ARMC2: variants seen among roughly 807,000 people sequenced by gnomAD.
The protein encoded by ARMC2 is armadillo repeat containing 2, also known as armadillo repeat-containing protein 2.
ARMC2 carries 67 observed loss-of-function variants against 90.3 expected under a neutral mutation model. The ratio of observed to expected loss-of-function variants is 0.74; its 90% CI spans 0.61 to 0.91. The LOEUF (loss-of-function observed/expected upper bound fraction) is 0.91, where lower values mean the gene tolerates loss of function less well. Ranked by LOEUF, ARMC2 falls within the 40% of genes least tolerant of loss-of-function variation. ARMC2 has a pLI of 0.00. For synonymous variants in ARMC2, 393 were observed against 393.0 expected (o/e 1.00, Z 0.00); for missense variants, 920 against 1,030.9 (o/e 0.89, Z 1.47).
chr6:108,856,952 A>G (rs79870219), intron 2 of ARMC2, among the ~76,000 whole-genome samples: 1,802 of 152,220 alleles, frequency 0.012, 33 homozygotes, highest in African/African-American at 0.042. Flanking sequence ...CCAGTACTAT[A>G]CTGTCTTTAT....
At chr6:108,960,413 G>A (rs975029372) in intron 13 of ARMC2, among the ~76,000 whole-genome samples, 2 of 152,218 alleles carry the variant, frequency 1.3e-5, no homozygotes, top group Non-Finnish European at 2.9e-5. Flanking sequence ...GACTGAGTGG[G>A]AGGCAGGGAC....
chr6:108,999,410 A>G, the ARMC2 span, among the ~76,000 whole-genome samples: 1 of 152,194 alleles, frequency 6.6e-6, no homozygotes, highest in African/African-American at 2.4e-5. Flanking sequence ...TATCTATTCT[A>G]TGAAATAGAT....
At chr6:108,887,493 A>G (rs949856136) in intron 5 of ARMC2, among the ~76,000 whole-genome samples, 10 of 152,250 alleles carry the variant, frequency 6.6e-5, no homozygotes, top group African/African-American at 2.4e-4. Context: ...CAGAACTCCA[A>G]CCTGGTTACA....
intron 17 of ARMC2, among the ~76,000 whole-genome samples, chr6:108,967,567 C>T (rs182986501): frequency 1.2e-3 from 177 of 152,264 alleles, no homozygotes; most frequent in African/African-American, 4.0e-3. Context: ...CACAGATGCC[C>T]AAGTGCCTGA....
chr6:108,935,528 G>A (rs1400604237), intron 11 of ARMC2, among the ~76,000 whole-genome samples: 1 of 151,910 alleles, frequency 6.6e-6, no homozygotes, highest in Admixed American at 6.6e-5. Context: ...TGCAACCTTC[G>A]CCTCCCAGGT....
chr6:108,900,665 C>A (rs933593467), intron 7 of ARMC2, among the ~76,000 whole-genome samples: 7 of 152,188 alleles, frequency 4.6e-5, no homozygotes, highest in South Asian at 2.1e-4. Flanking sequence ...CTCACCCCTC[C>A]TCTGCTCCCC....
At chr6:108,900,017 A>C (rs778340644) in intron 7 of ARMC2, among the ~76,000 whole-genome samples, 30 of 152,190 alleles carry the variant, frequency 2.0e-4, no homozygotes, top group Non-Finnish European at 3.8e-4. Context: ...AAATGCACCA[A>C]GAGAGCCAAT....
chr6:108,948,808 C>T (rs1348089665), intron 12 of ARMC2, among the ~76,000 whole-genome samples: 1 of 152,068 alleles, frequency 6.6e-6, no homozygotes, highest in African/African-American at 2.4e-5. Context: ...AGCACTTAGT[C>T]TTCCCAGATT....
At chr6:108,973,293 TTAA>T in intron 17 of ARMC2, 61 bp from the exon 18 acceptor site, 1 of 1,409,938 alleles carries the variant, frequency 7.1e-7, no homozygotes, top group Admixed American at 2.3e-5. Flanking sequence ...ATCATCAAAA[TTAA>T]ACTATATTCA....
chr6:108,872,060 A>G (rs1017660420), intron 4 of ARMC2, among the ~76,000 whole-genome samples: 1 of 152,232 alleles, frequency 6.6e-6, no homozygotes, highest in South Asian at 2.1e-4. Context: ...GTTTCATTTC[A>G]GATCTTCTCT....
the ARMC2 span, among the ~76,000 whole-genome samples, chr6:108,983,896 T>C: frequency 6.6e-6 from 1 of 152,106 alleles, no homozygotes. Context: ...ACAGCAGGGG[T>C]CCCCAACCCA....
intron 3 of ARMC2, among the ~76,000 whole-genome samples, chr6:108,860,519 G>A (rs1207645657): frequency 2.0e-5 from 3 of 151,980 alleles, no homozygotes; most frequent in African/African-American, 7.3e-5. Context: ...AAAATTAGCC[G>A]AGTGTGGTGG....
rs138147133 is a variant in ARMC2, at chr6:108,926,763, T to A, written c.1351-1325T>A. 5.9e-5 allele frequency among the ~76,000 whole-genome samples: 9 copies of A among 152,194 alleles called. No homozygotes were observed. In the East Asian group the frequency reaches 1.7e-3, roughly 29 times the overall value. On this transcript the variant is annotated intron_variant, in intron 10 of 17. Transcript: ENST00000392644. Reference sequence around the variant, plus strand: ...TCCATTCCTTAGCTTAGAAGAAGACTACATTGTGACATTGTTTAGATCTAT... The same window carrying A: ...TCCATTCCTTAGCTTAGAAGAAGACAACATTGTGACATTGTTTAGATCTAT...
chr6:108,943,434 A>G (rs1028048529), intron 12 of ARMC2, among the ~76,000 whole-genome samples: 14 of 152,192 alleles, frequency 9.2e-5, no homozygotes, highest in African/African-American at 3.1e-4. Flanking sequence ...AATAATGGGT[A>G]TTCAAGTGGT....
intron 5 of ARMC2, among the ~76,000 whole-genome samples, chr6:108,891,887 G>A (rs535039783): frequency 6.6e-6 from 1 of 152,272 alleles, no homozygotes; most frequent in East Asian, 1.9e-4. Context: ...TAGGTCTTAT[G>A]TTTAAGTCTT....
chr6:108,892,384 TATTA>T (rs996195584), intron 5 of ARMC2, among the ~76,000 whole-genome samples: 8 of 152,260 alleles, frequency 5.3e-5, no homozygotes, highest in African/African-American at 1.7e-4. Context: ...TATTTCTGAA[TATTA>T]ATTAGACAAT....
intron 6 of ARMC2, among the ~76,000 whole-genome samples, chr6:108,897,825 G>A (rs895866517): frequency 1.3e-5 from 2 of 152,074 alleles, no homozygotes; most frequent in Non-Finnish European, 2.9e-5. Flanking sequence ...TATTTTCACA[G>A]ATAATCATCA....
the ARMC2 span, among the ~76,000 whole-genome samples, chr6:109,025,867 G>T: frequency 6.7e-6 from 1 of 150,238 alleles, no homozygotes; most frequent in Non-Finnish European, 1.5e-5. Flanking sequence ...ATTGGAAGGA[G>T]AAAACAGAAA....
rs138002627 is a variant in ARMC2, at chr6:108,883,673, A to G, written c.671+7323A>G. ...ACTTTAGAGAGATCTTTTAGAAACT[A>G]TTCTCTCTTTGTGAAGACCCATTCA... On this transcript the variant is annotated intron_variant, in intron 5 of 17. Coordinates refer to ENST00000392644, the MANE Select transcript of ARMC2 (RefSeq NM_032131.6). Among the ~76,000 whole-genome samples the G allele has an allele frequency of 4.2e-3, 643 of 152,340 alleles. 3 individuals carry two copies. Among genetic ancestry groups the G allele is most frequent in the African/African-American group, 0.014 (600 of 41,584 alleles).
Sources: gnomAD v4.1 joint callset for allele counts (sites outside exome capture counted in the v4.1 genomes callset) on GRCh38, gnomAD v4.1.1 for gene constraint, MANE v1.5 for transcripts, NCBI Gene and HGNC (gene_info 2026-07-23, HGNC 2026-07-21) for gene names.